Variants in GBF1 observed in about 807,000 individuals in gnomAD.
The protein encoded by GBF1 is Golgi-specific brefeldin A-resistance guanine nucleotide exchange factor 1.
GBF1 carries 114 observed loss-of-function variants against 210.5 expected under a neutral mutation model. That is an observed-to-expected ratio of 0.54 (90% CI 0.47 to 0.63). GBF1 has a LOEUF of 0.63. Ranked by LOEUF, GBF1 falls within the 30% of genes least tolerant of loss-of-function variation. GBF1 has a pLI of 0.00. For synonymous variants in GBF1, 850 were observed against 889.2 expected (o/e 0.96, Z 0.78); for missense variants, 1,851 against 2,357.7 (o/e 0.79, Z 4.45).
chr10:102,299,745 T>A (rs930623261), intron 3 of GBF1, among the ~76,000 whole-genome samples: 4 of 152,054 alleles, frequency 2.6e-5, no homozygotes, highest in African/African-American at 9.7e-5. Context: ...GATCACGCTG[T>A]TGCACTCCAG....
chr10:102,333,159 A>G (rs960293773), intron 3 of GBF1, among the ~76,000 whole-genome samples: 2 of 152,240 alleles, frequency 1.3e-5, no homozygotes, highest in African/African-American at 2.4e-5. Context: ...GCCCAAGGTC[A>G]CACAGTTAAT....
At chr10:102,243,535 T>C (rs2070590078), upstream of GBF1, among the ~76,000 whole-genome samples, 1 of 152,142 alleles carries the variant, frequency 6.6e-6, no homozygotes, top group Non-Finnish European at 1.5e-5. Flanking sequence ...TGGAGGTATG[T>C]AGAAGTAGAT....
chr10:102,324,698 T>C (rs1257944295), intron 3 of GBF1, among the ~76,000 whole-genome samples: 1 of 152,184 alleles, frequency 6.6e-6, no homozygotes, highest in Non-Finnish European at 1.5e-5. Flanking sequence ...GCGATTCTCC[T>C]GCCTCAGCCT....
chr10:102,335,072 T>C (rs1720251349), intron 3 of GBF1, among the ~76,000 whole-genome samples: 1 of 152,096 alleles, frequency 6.6e-6, no homozygotes, highest in Admixed American at 6.6e-5. Context: ...GGCTTCACTT[T>C]GCTTTGGGTT....
At chr10:102,261,046 T>C (rs970640742) in intron 3 of GBF1, among the ~76,000 whole-genome samples, 1 of 152,170 alleles carries the variant, frequency 6.6e-6, no homozygotes, top group Non-Finnish European at 1.5e-5. Flanking sequence ...ATGGCAGCTA[T>C]TGTCCCCTTT....
At position 102,363,755 on chromosome 10, in the gene GBF1, T is replaced by A. The variant is rs1214290000; in HGVS notation, c.2063T>A (p.Leu688Gln). ...AAGCCACCCCGATTTTCCTGTCTCC[T>A]GCCAGATCCACGGGAACTAATTGAA... ...ARKPPRFSCL[L>Q]PDPRELIEIK... Residue 688 changes from leucine to glutamine, a missense_variant, in exon 17 of 40, where the codon CTG becomes CAG. By Grantham distance (113) the Leu-to-Gln change is moderately radical. Transcript: ENST00000369983. The surrounding 1 kb of genome is among the most constrained non-coding windows in gnomAD (Gnocchi z 4.2). The A allele has an allele frequency of 4.3e-6, 7 of 1,613,492 alleles. No homozygotes were observed. Among genetic ancestry groups the A allele is most frequent in the Non-Finnish European group, 5.9e-6 (7 of 1,179,416 alleles).
the GBF1 span, chr10:102,230,769 C>T: frequency 7.3e-6 from 11 of 1,515,734 alleles, no homozygotes; most frequent in African/African-American, 1.6e-4. Context: ...GGCCCCCGCC[C>T]AGGCCCTGCA....
Position 102,363,416 on chromosome 10 carries a change from G to A in GBF1, c.2017+20G>A, listed in dbSNP as rs1432543954. The A allele has an allele frequency of 1.2e-6, 2 of 1,603,858 alleles. No individual in the cohort carries two copies. The highest frequency in any genetic ancestry group is 2.2e-5 in the South Asian group (2 of 90,008). The stretch of plus-strand genomic sequence containing the variant: ...CTGGGGGTGGGTACTGGGTGTCCAT[G>A]ACCCTAAGCTCCTCACCTGGAGGGC... On this transcript the variant is annotated intron_variant, in intron 16 of 39. Coordinates refer to ENST00000369983, the MANE Select transcript of GBF1 (RefSeq NM_001377137.1). The surrounding 1 kb of genome is among the most constrained non-coding windows in gnomAD (Gnocchi z 4.2).
At chr10:102,289,755 A>G (rs1032203392) in intron 3 of GBF1, among the ~76,000 whole-genome samples, 6 of 152,208 alleles carry the variant, frequency 3.9e-5, no homozygotes, top group Non-Finnish European at 7.3e-5. Flanking sequence ...AACTGATTCT[A>G]TAGAAGACTA....
intron 7 of GBF1, 83 bp downstream of exon 7, chr10:102,352,601 G>A (rs545793602): frequency 5.9e-5 from 54 of 917,140 alleles, no homozygotes; most frequent in Non-Finnish European, 9.3e-5. Flanking sequence ...TCAGGGACCT[G>A]GCCAACCCCA....
At chr10:102,305,958 G>A (rs938548272) in intron 3 of GBF1, among the ~76,000 whole-genome samples, 6 of 152,180 alleles carry the variant, frequency 3.9e-5, no homozygotes, top group African/African-American at 9.7e-5. Context: ...GTTTGGGGGA[G>A]AGCAGGGATC....
intron 33 of GBF1, among the ~76,000 whole-genome samples, chr10:102,378,531 T>C (rs796212160): frequency 5.9e-5 from 9 of 151,854 alleles, no homozygotes; most frequent in African/African-American, 2.2e-4. Flanking sequence ...GGAGGCTGAG[T>C]AGCTGAGTAG....
At chr10:102,255,402 A>T (rs995700030) in intron 1 of GBF1, among the ~76,000 whole-genome samples, 16 of 152,182 alleles carry the variant, frequency 1.1e-4, no homozygotes, top group Non-Finnish European at 1.6e-4. Flanking sequence ...GAAAGTGGTT[A>T]CTTCTTTTCT....
chr10:102,302,773 A>G (rs1350730871), intron 3 of GBF1, among the ~76,000 whole-genome samples: 2 of 152,106 alleles, frequency 1.3e-5, no homozygotes, highest in African/African-American at 4.8e-5. Flanking sequence ...TTTGATTGTC[A>G]TATCTCAGGC....
At position 102,363,393 on chromosome 10, in the gene GBF1, G is replaced by C. The variant is rs760100141; in HGVS notation, c.2014G>C (p.Gly672Arg). The change falls in exon 16 of 40, where the codon GGG becomes CGG. Residue 672 changes from glycine (G) to arginine (R), a missense_variant. This residue lies in a region of GBF1 where 804 missense variants were observed against 958.6 expected (regional missense o/e 0.84). Transcript: ENST00000369983. The surrounding 1 kb of genome is among the most constrained non-coding windows in gnomAD (Gnocchi z 4.2). The part of the protein sequence containing the change: ...CSDLEEAVDS[G>R]ADKKFARKPP... ...TGATCTGGAGGAAGCTGTTGACTCT[G>C]GGGGTGGGTACTGGGTGTCCATGAC... The C allele has an allele frequency of 1.2e-6, 2 of 1,612,974 alleles. No homozygotes were observed. The highest frequency in any genetic ancestry group is 1.7e-6 in the Non-Finnish European group (2 of 1,179,368).
intron 3 of GBF1, among the ~76,000 whole-genome samples, chr10:102,309,646 A>G (rs1290527825): frequency 6.6e-6 from 1 of 152,124 alleles, no homozygotes; most frequent in African/African-American, 2.4e-5. Context: ...ATTTGTTGAG[A>G]TAAGGCTGGT....
the GBF1 span, among the ~76,000 whole-genome samples, chr10:102,235,636 C>G: frequency 6.6e-6 from 1 of 152,006 alleles, no homozygotes; most frequent in Non-Finnish European, 1.5e-5. Flanking sequence ...TTTTTCCTCA[C>G]TCATTAAACA....
intron 3 of GBF1, among the ~76,000 whole-genome samples, chr10:102,312,826 G>A (rs959142318): frequency 2.6e-5 from 4 of 152,156 alleles, no homozygotes; most frequent in Non-Finnish European, 5.9e-5. Flanking sequence ...CTTAATTGTG[G>A]TCTGTTGCTT....
At chr10:102,326,299 T>C (rs569741137) in intron 3 of GBF1, among the ~76,000 whole-genome samples, 1 of 152,092 alleles carries the variant, frequency 6.6e-6, no homozygotes, top group Non-Finnish European at 1.5e-5. Context: ...CCTTGGGGAG[T>C]AACAGGGCTT....
Sources: gnomAD v4.1 joint callset for allele counts (sites outside exome capture counted in the v4.1 genomes callset) on GRCh38, gnomAD v4.1.1 for gene constraint, gnomAD v4.1.1 regional missense constraint, Gnocchi (gnomAD v3.1) non-coding constraint, MANE v1.5 for transcripts, NCBI Gene and HGNC (gene_info 2026-07-23, HGNC 2026-07-21) for gene names.